MAP3K21: variants seen among roughly 807,000 people sequenced by gnomAD.
MAP3K21 encodes the protein mitogen-activated protein kinase kinase kinase MLK4.
Under a neutral mutation model 86.1 loss-of-function variants are expected in MAP3K21, and 63 were observed. That is an observed-to-expected ratio of 0.73 (90% confidence interval 0.60 to 0.90). The LOEUF is 0.90. MAP3K21 is among the 40% of genes least tolerant of loss of function. The probability of loss-of-function intolerance (pLI) is 0.00; values close to 1 mark genes in which losing one functional copy is unlikely to be tolerated. For missense variants in MAP3K21, 1,220 were observed against 1,367.7 expected (o/e 0.89, Z 1.70); for synonymous variants, 558 against 564.8 (o/e 0.99, Z 0.17).
At position 233,385,095 on chromosome 1, in the gene MAP3K21, C is replaced by T. The variant is rs572145017; in HGVS notation, c.*2384C>T. The stretch of plus-strand genomic sequence containing the variant: ...GCCTTGTGACTGAAAAATATGTTTA[C>T]ATATGTTGTCTATTTTTTTAATAAA... On this transcript the variant is annotated 3_prime_UTR_variant, in exon 10 of 10. Transcript: ENST00000366624. The T allele has an allele frequency of 3.3e-5, 5 of 152,262 alleles. No individual in the cohort carries two copies. The East Asian group carries it at 5.8e-4, about 18-fold the overall frequency. The allele number at this position is 152,262 out of a possible 1,614,324, so 9.4% of individuals were successfully genotyped here. A position where few individuals can be genotyped will look rare whatever the true frequency, so the allele number is the denominator to read the frequency against.
At chr1:233,369,448 G>A (rs912724505) in intron 5 of MAP3K21, among the ~76,000 whole-genome samples, 3 of 152,050 alleles carry the variant, frequency 2.0e-5, no homozygotes, top group African/African-American at 7.2e-5. Flanking sequence ...AAATACAGAA[G>A]ATGAAGAAAG....
In MAP3K21 at chr1:233,367,727, G is replaced by A. The variant is rs192007594; in HGVS notation, c.1553-4311G>A. On this transcript the variant is annotated intron_variant, in intron 5 of 9. Transcript: ENST00000366624. ...GTACAAATATTAGATGGGCGTGGTG[G>A]CAGGCACCTGTAATCCCAGCTACTC... is the stretch of plus-strand genomic sequence containing the variant. Among the ~76,000 whole-genome samples the A allele has an allele frequency of 1.6e-4, 24 of 152,210 alleles. No homozygotes were observed. The East Asian group carries it at 1.7e-3, about 11-fold the overall frequency.
At chr1:233,359,673 C>A (rs570255478) in intron 4 of MAP3K21, among the ~76,000 whole-genome samples, 38 of 152,300 alleles carry the variant, frequency 2.5e-4, no homozygotes, top group South Asian at 2.5e-3. Context: ...TGTGACCCCC[C>A]ACACAGAGGC....
intron 1 of MAP3K21, among the ~76,000 whole-genome samples, chr1:233,339,252 CTT>C (rs879701068): frequency 0.012 from 814 of 69,602 alleles, 32 homozygotes; most frequent in Non-Finnish European, 0.018. Flanking sequence ...TCTTCTTCTT[CTT>C]CTTCTTCTTC....
intron 2 of MAP3K21, among the ~76,000 whole-genome samples, chr1:233,348,210 A>G (rs149832607): frequency 3.9e-4 from 59 of 152,274 alleles, no homozygotes; most frequent in African/African-American, 1.4e-3. Context: ...ACTTTTGTTT[A>G]TTCTGAACAT....
At chr1:233,369,091 T>C (rs1189532722) in intron 5 of MAP3K21, among the ~76,000 whole-genome samples, 1 of 151,922 alleles carries the variant, frequency 6.6e-6, no homozygotes, top group Non-Finnish European at 1.5e-5. Context: ...TTAGCTGCTG[T>C]GAGGGAAAAG....
At chr1:233,331,327 A>G (rs567766543) in intron 1 of MAP3K21, among the ~76,000 whole-genome samples, 19 of 152,226 alleles carry the variant, frequency 1.2e-4, no homozygotes, top group Non-Finnish European at 2.6e-4. Context: ...TATGACCATT[A>G]TCATAGTTAT....
chr1:233,352,737 T>C (rs886259514), intron 2 of MAP3K21, among the ~76,000 whole-genome samples: 6 of 152,168 alleles, frequency 3.9e-5, no homozygotes, highest in Non-Finnish European at 8.8e-5. Flanking sequence ...GGCAATTTTG[T>C]GTCTTTTGAC....
In MAP3K21 at chr1:233,328,316, C is replaced by G. The variant is rs777860204; in HGVS notation, c.288C>G (p.Tyr96Ter). ...QRRLGIFPANYVAPCRPAASP... is the reference protein window; with the variant it reads ...QRRLGIFPAN Reference sequence around the variant, plus strand: ...GCCTCGGCATCTTCCCCGCCAACTACGTGGCTCCCTGCCGCCCGGCCGCCA... The same window carrying G: ...GCCTCGGCATCTTCCCCGCCAACTAGGTGGCTCCCTGCCGCCCGGCCGCCA... The change falls in exon 1 of 10, where the codon TAC (tyrosine) becomes TAG (stop). Residue 96 changes from tyrosine (Y) to a stop codon, truncating the protein, a stop_gained. Transcript: ENST00000366624. LOFTEE classifies it high-confidence loss of function. The surrounding 1 kb of genome is among the most constrained non-coding windows in gnomAD (Gnocchi z 8.7). 2 of 1,478,608 alleles carry G rather than the reference C, an allele frequency of 1.4e-6. No individual in the cohort carries two copies. The highest frequency in any genetic ancestry group is 1.8e-6 in the Non-Finnish European group (2 of 1,122,634). The allele number at this position is 1,478,608 out of a possible 1,614,324, so 91.6% of individuals were successfully genotyped here.
intron 5 of MAP3K21, among the ~76,000 whole-genome samples, chr1:233,363,713 AG>A (rs66499125): frequency 0.48 from 69,032 of 142,888 alleles, 16,940 homozygotes; most frequent in East Asian, 0.69. Flanking sequence ...AAAAAAAAAA[AG>A]AAAGAAAGAA....
chr1:233,331,893 G>A (rs1278676016), intron 1 of MAP3K21, among the ~76,000 whole-genome samples: 1 of 152,174 alleles, frequency 6.6e-6, no homozygotes, highest in African/African-American at 2.4e-5. Flanking sequence ...GTTGAAAGTT[G>A]TGCCAAGTTA....
At chr1:233,344,373 C>CA (rs1351463660) in intron 1 of MAP3K21, among the ~76,000 whole-genome samples, 1 of 152,182 alleles carries the variant, frequency 6.6e-6, no homozygotes, top group African/African-American at 2.4e-5. Context: ...GTACTGGTAC[C>CA]AAAACAGAGA....
intron 9 of MAP3K21, among the ~76,000 whole-genome samples, chr1:233,380,496 G>C (rs1663893596): frequency 6.6e-6 from 1 of 152,192 alleles, no homozygotes; most frequent in Non-Finnish European, 1.5e-5. Flanking sequence ...TAGGGCTTCT[G>C]CTTAGGAATT....
At chr1:233,374,190 T>C (rs183389568) in intron 6 of MAP3K21, 1 of 152,200 alleles carries the variant, frequency 6.6e-6, no homozygotes, top group Admixed American at 6.5e-5. Context: ...TCTACATTTT[T>C]TTTTTTTTGA....
chr1:233,328,051 G>A lies in MAP3K21; in HGVS notation c.23G>A (p.Gly8Glu), dbSNP rs1397291516. The change falls in exon 1 of 10, where the codon GGA (glycine) becomes GAA (glutamate). Residue 8 changes from glycine to glutamate, a missense_variant. Physicochemically the swap from Gly to Glu is moderately conservative, Grantham distance 98. This residue lies in a region of MAP3K21 where 369 missense variants were observed against 385.3 expected (regional missense o/e 0.96). Coordinates refer to ENST00000366624, the MANE Select transcript of MAP3K21 (RefSeq NM_032435.3). This position sits in a 1 kb window ranked among gnomAD's most constrained non-coding sequence, Gnocchi z 8.7. ...CCCATGGCTTTGCGGGGCGCCGCGG[G>A]AGCGACCGACACCCCGGTGTCCTCG... MALRGAA[G>E]ATDTPVSSAG... The A allele has an allele frequency of 4.5e-6, 6 of 1,320,952 alleles. No individual in the cohort carries two copies. Among genetic ancestry groups the A allele is most frequent in the Non-Finnish European group, 5.8e-6 (6 of 1,040,810 alleles). The allele number at this position is 1,320,952 out of a possible 1,614,324, so 81.8% of individuals were successfully genotyped here.
intron 1 of MAP3K21, among the ~76,000 whole-genome samples, chr1:233,332,976 T>C (rs1662839099): frequency 7.5e-6 from 1 of 134,192 alleles, no homozygotes; most frequent in South Asian, 2.6e-4. Context: ...GGAATAATTA[T>C]TATCTATCTA....
At chr1:233,375,109 T>C (rs1663765967) in intron 6 of MAP3K21, among the ~76,000 whole-genome samples, 1 of 151,870 alleles carries the variant, frequency 6.6e-6, no homozygotes, top group South Asian at 2.1e-4. Flanking sequence ...GCCCAGTTAA[T>C]TTTTTTGTAT....
chr1:233,334,865 C>G (rs1043216843), intron 1 of MAP3K21, among the ~76,000 whole-genome samples: 1 of 152,054 alleles, frequency 6.6e-6, no homozygotes, highest in Non-Finnish European at 1.5e-5. Context: ...TTGGTTTGAC[C>G]ACATTGTTTA....
intron 6 of MAP3K21, among the ~76,000 whole-genome samples, chr1:233,374,890 TA>T (rs1663760249): frequency 6.6e-6 from 1 of 151,060 alleles, no homozygotes. Context: ...ATGTTTCAGA[TA>T]TTTTTCCCCT....
Sources: gnomAD v4.1 joint callset for allele counts (sites outside exome capture counted in the v4.1 genomes callset) on GRCh38, gnomAD v4.1.1 for gene constraint, gnomAD v4.1.1 regional missense constraint, Gnocchi (gnomAD v3.1) non-coding constraint, MANE v1.5 for transcripts, NCBI Gene and HGNC (gene_info 2026-07-23, HGNC 2026-07-21) for gene names.